Variants in BLK observed in about 807,000 individuals in gnomAD.
BLK encodes the protein BLK proto-oncogene, Src family tyrosine kinase.
In BLK, 64 loss-of-function variants were observed where a neutral mutation model predicts 61.8. That is an observed-to-expected ratio of 1.03 (90% confidence interval 0.85 to 1.27). The LOEUF (loss-of-function observed/expected upper bound fraction) is 1.27. Among genes scored for constraint, BLK ranks in the 50% most tolerant of loss-of-function variants. The probability of loss-of-function intolerance (pLI) is 0.00; values close to 1 mark genes in which losing one functional copy is unlikely to be tolerated. For missense variants in BLK, 853 were observed against 660.5 expected, an observed-to-expected ratio of 1.29 and a Z score of -3.19; for synonymous variants, 351 against 272.0, an observed-to-expected ratio of 1.29 and a Z score of -2.86.
intron 1 of BLK, among the ~76,000 whole-genome samples, chr8:11,532,820 G>C (rs960318001): frequency 9.9e-5 from 15 of 152,206 alleles, no homozygotes; most frequent in African/African-American, 3.1e-4. Context: ...TGATTAGTGA[G>C]CGCTGAATAT....
At chr8:11,555,278 T>G in intron 7 of BLK, 54 bp from the exon 8 acceptor site, 5 of 1,610,682 alleles carry the variant, frequency 3.1e-6, no homozygotes, top group Non-Finnish European at 4.2e-6. Flanking sequence ...GCTCCCAAGG[T>G]AGAGCCTGGC....
At chr8:11,496,345 T>G (rs1798358304) in intron 1 of BLK, among the ~76,000 whole-genome samples, 1 of 152,168 alleles carries the variant, frequency 6.6e-6, no homozygotes, top group Non-Finnish European at 1.5e-5. Flanking sequence ...GCTCAAGCGA[T>G]CCTCCCAACT....
intron 1 of BLK, among the ~76,000 whole-genome samples, chr8:11,534,408 C>CA (rs967690089): frequency 2.0e-5 from 3 of 152,002 alleles, no homozygotes; most frequent in African/African-American, 4.8e-5. Context: ...GTTCCCCCCC[C>CA]AAAAAAATTC....
chr8:11,563,896 G>A lies in BLK; in HGVS notation c.1313-7G>A. The A allele has an allele frequency of 6.2e-7, 1 of 1,607,968 alleles. No individual in the cohort carries two copies. The highest frequency in any genetic ancestry group is 1.7e-4 in the Middle Eastern group (1 of 6,012). On this transcript the variant is annotated splice_polypyrimidine_tract_variant and splice_region_variant and intron_variant, in intron 12 of 12. Transcript: ENST00000259089. ...CTCACCCCCGCTTGCGGTCTCCTCT[G>A]CCGCAGGGATGAGCAACCCCGAGGT...
At chr8:11,502,580 G>A (rs1306622682) in intron 1 of BLK, among the ~76,000 whole-genome samples, 5 of 152,260 alleles carry the variant, frequency 3.3e-5, no homozygotes, top group South Asian at 4.2e-4. Context: ...GAGCCACCAC[G>A]CCCGGCCCGT....
intron 1 of BLK, among the ~76,000 whole-genome samples, chr8:11,530,722 A>C (rs1799851078): frequency 9.8e-5 from 1 of 10,208 alleles, no homozygotes; most frequent in Non-Finnish European, 2.0e-4. Context: ...AACAAAAAGA[A>C]TCAGCAACAA....
In BLK at chr8:11,527,130, G is replaced by A. The variant is rs564521351; in HGVS notation, c.-1-16094G>A. Among the ~76,000 whole-genome samples the A allele has an allele frequency of 1.8e-4, 27 of 151,132 alleles. No individual in the cohort carries two copies. In the South Asian group the frequency reaches 5.9e-3, roughly 33 times the overall value. On this transcript the variant is annotated intron_variant, in intron 1 of 12. Transcript: ENST00000259089. ...TCTTTCACTGTCCTTAAGGCTTAAT[G>A]TGGACGTCTAGACAGCAATAAGCTT...
intron 1 of BLK, among the ~76,000 whole-genome samples, chr8:11,527,650 G>A (rs770683377): frequency 3.3e-5 from 5 of 151,928 alleles, no homozygotes; most frequent in African/African-American, 7.3e-5. Flanking sequence ...AAAAGAAATC[G>A]TAGGGGTGTG....
chr8:11,556,699 A>G lies in BLK; in HGVS notation c.814A>G (p.Lys272Glu). The change falls in exon 9 of 13, where the codon AAG (lysine) becomes GAG (glutamate). Residue 272 changes from lysine to glutamate, a missense_variant. Coordinates refer to ENST00000259089, the MANE Select transcript of BLK (RefSeq NM_001715.3). ...NNMKVAIKTL[K>E]EGTMSPEAFL... ...CATGAAGGTGGCCATTAAGACGCTG[A>G]AGGAGGGAACCATGTCTCCAGAAGC... 1 of 1,614,192 alleles carries G rather than the reference A, an allele frequency of 6.2e-7. No homozygotes were observed. The highest frequency in any genetic ancestry group is 1.1e-5 in the South Asian group (1 of 91,080).
At chr8:11,502,066 C>G (rs992317411) in intron 1 of BLK, among the ~76,000 whole-genome samples, 2 of 152,200 alleles carry the variant, frequency 1.3e-5, no homozygotes, top group Non-Finnish European at 2.9e-5. Context: ...CTTGCGTGAA[C>G]ATGGGTTCGA....
chr8:11,544,545 A>C (rs1171436382), intron 2 of BLK, among the ~76,000 whole-genome samples: 1 of 152,236 alleles, frequency 6.6e-6, no homozygotes, highest in Non-Finnish European at 1.5e-5. Flanking sequence ...TAATTGATCA[A>C]ATGGGGAAAC....
intron 6 of BLK, among the ~76,000 whole-genome samples, chr8:11,551,517 G>T (rs567657564): frequency 6.6e-6 from 1 of 152,168 alleles, no homozygotes; most frequent in African/African-American, 2.4e-5. Context: ...TCTCAGGACC[G>T]AGGGTTAGGA....
intron 1 of BLK, among the ~76,000 whole-genome samples, chr8:11,533,521 G>A (rs2117390298): frequency 6.6e-6 from 1 of 151,592 alleles, no homozygotes; most frequent in South Asian, 2.1e-4. Context: ...AAGACCAAGG[G>A]TTTGAAGTCA....
chr8:11,546,242 G>T (rs930429595), intron 3 of BLK, 139 bp downstream of exon 3: 3 of 1,011,610 alleles, frequency 3.0e-6, no homozygotes, highest in African/African-American at 3.2e-5. Flanking sequence ...AGAGGCCCCG[G>T]CTCTGTGCCT....
At chr8:11,557,912 C>T (rs1563122979) in intron 9 of BLK, 50 bp from the exon 10 acceptor site, 1 of 1,570,854 alleles carries the variant, frequency 6.4e-7, no homozygotes, top group Non-Finnish European at 8.8e-7. Flanking sequence ...CTGGCACCAC[C>T]AGGGGCGGGT....
At chr8:11,521,259 T>C (rs1799435992) in intron 1 of BLK, among the ~76,000 whole-genome samples, 1 of 152,218 alleles carries the variant, frequency 6.6e-6, no homozygotes, top group Non-Finnish European at 1.5e-5. Context: ...GTATTTTTTC[T>C]AAAAGATTTA....
intron 11 of BLK, 53 bp from the exon 12 acceptor site, chr8:11,562,926 G>C: frequency 6.2e-7 from 1 of 1,612,092 alleles, no homozygotes; most frequent in Non-Finnish European, 8.5e-7. Flanking sequence ...TGAGGATGGA[G>C]GGTAGGGGCC....
In BLK at chr8:11,531,999, C is replaced by T. The variant is rs138145327; in HGVS notation, c.-1-11225C>T. ...TCAGCCTCCCAAGTAGCTGTGATTA[C>T]AGGCACCTGCCACCAAACCCAGCTA... On this transcript the variant is annotated intron_variant, in intron 1 of 12. Coordinates refer to ENST00000259089, the MANE Select transcript of BLK (RefSeq NM_001715.3). 4.3e-3 allele frequency among the ~76,000 whole-genome samples: 653 copies of T among 152,172 alleles called. 4 individuals are homozygous for T. Among genetic ancestry groups the T allele is most frequent in the Non-Finnish European group, 6.4e-3 (434 of 67,998 alleles).
intron 1 of BLK, among the ~76,000 whole-genome samples, chr8:11,508,010 G>A (rs1237597196): frequency 6.6e-6 from 1 of 152,094 alleles, no homozygotes; most frequent in Non-Finnish European, 1.5e-5. Flanking sequence ...CAAGTAGGGG[G>A]TCATCACCAG....
Sources: gnomAD v4.1 joint callset for allele counts (sites outside exome capture counted in the v4.1 genomes callset) on GRCh38, gnomAD v4.1.1 for gene constraint, MANE v1.5 for transcripts, NCBI Gene and HGNC (gene_info 2026-07-23, HGNC 2026-07-21) for gene names.